PEPD: variants seen among roughly 807,000 people sequenced by gnomAD.
The protein encoded by PEPD is peptidase D.
A neutral mutation model predicts 60.7 loss-of-function variants in PEPD; 53 were observed. That is an observed-to-expected ratio of 0.87 (90% CI 0.70 to 1.10). PEPD has a LOEUF of 1.10. PEPD is among the 50% of genes least tolerant of loss of function. The pLI is 0.00. For synonymous variants in PEPD, 267 were observed against 284.1 expected, an observed-to-expected ratio of 0.94 and a Z score of 0.60; for missense variants, 711 against 711.9, an observed-to-expected ratio of 1.00 and a Z score of 0.01.
chr19:33,446,563 AG>A (rs1162236098), intron 9 of PEPD, among the ~76,000 whole-genome samples: 5 of 152,242 alleles, frequency 3.3e-5, no homozygotes, highest in African/African-American at 1.2e-4. Context: ...CTCTCAGCAC[AG>A]GGTGGCCGAG....
chr19:33,505,100 G>C (rs531992526), intron 3 of PEPD, among the ~76,000 whole-genome samples: 1 of 152,292 alleles, frequency 6.6e-6, no homozygotes, highest in Admixed American at 6.5e-5. Context: ...TCTAGAAAAT[G>C]AAATTTCAAA....
chr19:33,462,245 A>C (rs984282166), intron 9 of PEPD, among the ~76,000 whole-genome samples: 1 of 152,340 alleles, frequency 6.6e-6, no homozygotes, highest in African/African-American at 2.4e-5. Flanking sequence ...GACAGGCAGG[A>C]AAGGAAAGCC....
chr19:33,493,097 G>GA (rs1970531188), intron 5 of PEPD, among the ~76,000 whole-genome samples, 193 bp downstream of exon 5: 1 of 152,142 alleles, frequency 6.6e-6, no homozygotes, highest in African/African-American at 2.4e-5. Flanking sequence ...GGCTGGCCTG[G>GA]AACTCCTGGC....
chr19:33,458,375 G>T lies in PEPD; in HGVS notation c.671+4620C>A, dbSNP rs575547479. On this transcript the variant is annotated intron_variant, in intron 9 of 14. Transcript: ENST00000244137. ...GTGGCATGAGACGTGTGGTATGTAGGTGTGTGTGGCAAGTGATGTATGGTG... is the reference window on the plus strand; with the variant it reads ...GTGGCATGAGACGTGTGGTATGTAGTTGTGTGTGGCAAGTGATGTATGGTG... Among the ~76,000 whole-genome samples, 3 of 151,068 alleles carry T rather than the reference G, an allele frequency of 2.0e-5. No individual in the cohort carries two copies. In the South Asian group the frequency reaches 6.3e-4, roughly 32 times the overall value.
intron 7 of PEPD, among the ~76,000 whole-genome samples, chr19:33,476,480 C>G (rs1187257741): frequency 6.6e-6 from 1 of 152,088 alleles, no homozygotes; most frequent in African/African-American, 2.4e-5. Context: ...GCCCTTCACT[C>G]ACGCATCATA....
chr19:33,391,229 G>T lies in PEPD; in HGVS notation c.1152+66C>A, dbSNP rs1600074507. ...CTGCTGCCTCCTAGAGTCCCACCCT[G>T]CCCTGGGGGTCAGGCTCAGCGGCAG... On this transcript the variant is annotated intron_variant, in intron 13 of 14. Transcript: ENST00000244137. 18 of 1,335,718 alleles carry T rather than the reference G, an allele frequency of 1.3e-5. No individual in the cohort carries two copies. The East Asian group carries it at 4.3e-4, about 32-fold the overall frequency. 82.7% of individuals were successfully genotyped at this position (1,335,718 alleles called of 1,614,324 possible). A position where few individuals can be genotyped will look rare whatever the true frequency, so the allele number is the denominator to read the frequency against.
intron 6 of PEPD, among the ~76,000 whole-genome samples, chr19:33,479,915 T>C (rs183602470): frequency 6.6e-6 from 1 of 152,200 alleles, no homozygotes; most frequent in African/African-American, 2.4e-5. Context: ...CAATTTATAT[T>C]CCTTTGGGTG....
At chr19:33,396,642 CA>C (rs1010096946) in intron 12 of PEPD, among the ~76,000 whole-genome samples, 56 of 139,166 alleles carry the variant, frequency 4.0e-4, no homozygotes, top group Middle Eastern at 7.8e-3. Context: ...CCCCCAGTGA[CA>C]GGGGCACAGG....
intron 7 of PEPD, among the ~76,000 whole-genome samples, chr19:33,473,432 G>A (rs190408989): frequency 6.6e-6 from 1 of 152,266 alleles, no homozygotes; most frequent in Admixed American, 6.5e-5. Context: ...CAGAGAGGCC[G>A]GGGAGCAGAA....
intron 12 of PEPD, among the ~76,000 whole-genome samples, chr19:33,399,883 G>A (rs954092301): frequency 3.9e-5 from 6 of 152,152 alleles, no homozygotes. Context: ...GAGCTGGCCA[G>A]GCCCGCTCTG....
intron 9 of PEPD, among the ~76,000 whole-genome samples, chr19:33,430,636 A>G (rs17833947): frequency 6.6e-6 from 1 of 152,138 alleles, no homozygotes; most frequent in Non-Finnish European, 1.5e-5. Flanking sequence ...TCCTACTGGC[A>G]TATGTATCTT....
chr19:33,460,132 T>C (rs977506990), intron 9 of PEPD, among the ~76,000 whole-genome samples: 1 of 152,218 alleles, frequency 6.6e-6, no homozygotes. Flanking sequence ...CCCCGACTAG[T>C]TAAGAAAAGA....
At chr19:33,475,498 A>T (rs77649181) in intron 7 of PEPD, among the ~76,000 whole-genome samples, 291 of 152,048 alleles carry the variant, frequency 1.9e-3, no homozygotes, top group African/African-American at 6.7e-3. Flanking sequence ...AAATGGTTCT[A>T]CTGCCATCAA....
intron 7 of PEPD, among the ~76,000 whole-genome samples, chr19:33,465,084 G>A (rs1357766127): frequency 3.9e-5 from 6 of 152,114 alleles, no homozygotes. Context: ...TTCATCATAG[G>A]TTTGCAGTGA....
chr19:33,468,858 T>C (rs1419651621), intron 7 of PEPD, among the ~76,000 whole-genome samples: 1 of 152,202 alleles, frequency 6.6e-6, no homozygotes, highest in Admixed American at 6.5e-5. Flanking sequence ...GTGTCTCTGA[T>C]GCCGCCGTAT....
chr19:33,504,041 G>A (rs116780918), intron 3 of PEPD, among the ~76,000 whole-genome samples: 5,507 of 152,260 alleles, frequency 0.036, 213 homozygotes, highest in African/African-American at 0.091. Flanking sequence ...AGAGCCATTC[G>A]ACAGATACAA....
rs558272127 is a variant in PEPD, at chr19:33,468,193, G to A, written c.549-4131C>T. 1.8e-3 allele frequency among the ~76,000 whole-genome samples: 273 copies of A among 152,282 alleles called. 1 individual carries two copies. The highest frequency in any genetic ancestry group is 6.4e-3 in the African/African-American group (267 of 41,554). On this transcript the variant is annotated intron_variant, in intron 7 of 14. Coordinates refer to ENST00000244137, the MANE Select transcript of PEPD (RefSeq NM_000285.4). ...CCTCTGCACAAGGCAGAGAGTTCCC[G>A]GTGCACCCCCTGGCCAGCTCCTTTT...
Position 33,471,540 on chromosome 19 carries a change from G to A in PEPD, c.548+6506C>T, listed in dbSNP as rs1970120156. Among the ~76,000 whole-genome samples, 3 of 152,200 alleles carry A rather than the reference G, an allele frequency of 2.0e-5. No homozygotes were observed. In the South Asian group the frequency reaches 6.2e-4, roughly 32 times the overall value. Reference sequence around the variant, plus strand: ...CTCCGTGGGTCCACCGGCCCCTGGAGTGAGAGATGCATGGTCACACTCAGT... The same window carrying A: ...CTCCGTGGGTCCACCGGCCCCTGGAATGAGAGATGCATGGTCACACTCAGT... On this transcript the variant is annotated intron_variant, in intron 7 of 14. Transcript: ENST00000244137.
intron 6 of PEPD, among the ~76,000 whole-genome samples, chr19:33,481,902 T>C (rs1970319129): frequency 6.6e-6 from 1 of 151,864 alleles, no homozygotes; most frequent in African/African-American, 2.4e-5. Context: ...ACACGTGTAA[T>C]CCCAGCTACT....
Sources: allele counts gnomAD v4.1 joint callset (sites outside exome capture counted in the v4.1 genomes callset), GRCh38; gene constraint gnomAD v4.1.1; transcripts MANE v1.5; gene names NCBI Gene and HGNC (gene_info 2026-07-23, HGNC 2026-07-21).